NAALADL2: variants seen among roughly 807,000 people sequenced by gnomAD.
The protein encoded by NAALADL2 is N-acetylated alpha-linked acidic dipeptidase like 2.
Under a neutral mutation model 87.2 loss-of-function variants are expected in NAALADL2, and 76 were observed. That is an observed-to-expected ratio of 0.87 (90% CI 0.72 to 1.05). The LOEUF is 1.05. NAALADL2 is among the 50% of genes least tolerant of loss of function. The pLI, the probability that NAALADL2 is intolerant of heterozygous loss-of-function variation, is 0.00. For missense variants in NAALADL2, 1,089 were observed against 945.8 expected, an observed-to-expected ratio of 1.15 and a Z score of -1.99; for synonymous variants, 354 against 331.0, an observed-to-expected ratio of 1.07 and a Z score of -0.75.
intron 2 of NAALADL2, among the ~76,000 whole-genome samples, chr3:175,179,217 A>C (rs13073845): frequency 0.73 from 110,499 of 151,860 alleles, 40,747 homozygotes; most frequent in Non-Finnish European, 0.8. Flanking sequence ...CACATGAGTT[A>C]CTGCTATAGA....
chr3:174,532,838 A>C (rs1721366420), intron 1 of NAALADL2, among the ~76,000 whole-genome samples: 1 of 152,028 alleles, frequency 6.6e-6, no homozygotes, highest in African/African-American at 2.4e-5. Context: ...ATATTTATTG[A>C]GGATTTGGAG....
chr3:174,611,789 G>T (rs1719920329), intron 2 of NAALADL2, among the ~76,000 whole-genome samples: 2 of 151,870 alleles, frequency 1.3e-5, no homozygotes, highest in East Asian at 3.9e-4. Flanking sequence ...TAGAGACGGG[G>T]TTTCACCATA....
At chr3:174,782,654 T>G (rs905421368) in intron 3 of NAALADL2, among the ~76,000 whole-genome samples, 1 of 152,068 alleles carries the variant, frequency 6.6e-6, no homozygotes, top group African/African-American at 2.4e-5. Context: ...TTTAATTGAC[T>G]CACAGTTCTG....
chr3:175,001,611 C>A (rs997280270), intron 1 of NAALADL2, among the ~76,000 whole-genome samples: 1 of 152,000 alleles, frequency 6.6e-6, no homozygotes, highest in South Asian at 2.1e-4. Flanking sequence ...TCTGTTCATT[C>A]CTTGTTTTTC....
intron 10 of NAALADL2, among the ~76,000 whole-genome samples, chr3:175,594,842 A>G (rs1722034390): frequency 6.6e-6 from 1 of 151,806 alleles, no homozygotes; most frequent in South Asian, 2.1e-4. Flanking sequence ...CCATTTTTTA[A>G]TGGGGTTATT....
intron 5 of NAALADL2, among the ~76,000 whole-genome samples, chr3:175,415,921 C>T (rs961623179): frequency 1.3e-5 from 2 of 149,418 alleles, no homozygotes; most frequent in Non-Finnish European, 3.0e-5. Context: ...TGAGAACAAC[C>T]TGGTCAACAT....
chr3:174,897,821 A>G (rs954013515), intron 1 of NAALADL2, among the ~76,000 whole-genome samples: 27 of 150,700 alleles, frequency 1.8e-4, no homozygotes, highest in Non-Finnish European at 2.6e-4. Flanking sequence ...CCATAAAAAA[A>G]GAATGAGATC....
rs1004632214 is a variant in NAALADL2 at position 174,987,295 on chromosome 3, C to T, written c.44-109495C>T. On this transcript the variant is annotated intron_variant, in intron 1 of 13. Transcript: ENST00000454872. ...CCATCAAAACCAATACTCGGCCGGG[C>T]GCGGTGGCTCACGCCTGTAATCCCA... Among the ~76,000 whole-genome samples, 5 of 151,988 alleles carry T rather than the reference C, an allele frequency of 3.3e-5. No homozygotes were observed. In the East Asian group the frequency reaches 5.8e-4, roughly 18 times the overall value.
intron 11 of NAALADL2, among the ~76,000 whole-genome samples, chr3:175,729,325 A>T (rs1025030333): frequency 6.6e-6 from 1 of 152,136 alleles, no homozygotes; most frequent in East Asian, 1.9e-4. Flanking sequence ...TTCATGATTC[A>T]TCTACTATTT....
At chr3:174,774,557 G>A (rs895098727) in intron 3 of NAALADL2, among the ~76,000 whole-genome samples, 2 of 152,134 alleles carry the variant, frequency 1.3e-5, no homozygotes, top group African/African-American at 2.4e-5. Flanking sequence ...GAAGTGTCAC[G>A]ATAGTTGGTA....
chr3:174,723,615 G>GC (rs968680239), intron 2 of NAALADL2, among the ~76,000 whole-genome samples: 20 of 151,828 alleles, frequency 1.3e-4, no homozygotes, highest in African/African-American at 4.8e-4. Flanking sequence ...AATTAGCCGG[G>GC]CATGGTGGCG....
intron 5 of NAALADL2, among the ~76,000 whole-genome samples, chr3:175,334,451 TCCC>T (rs1367216554): frequency 6.6e-6 from 1 of 152,142 alleles, no homozygotes; most frequent in Non-Finnish European, 1.5e-5. Flanking sequence ...TGTTTATCTT[TCCC>T]CCTCAATCGA....
At chr3:175,522,122 T>G (rs1732735383) in intron 9 of NAALADL2, among the ~76,000 whole-genome samples, 1 of 152,144 alleles carries the variant, frequency 6.6e-6, no homozygotes, top group South Asian at 2.1e-4. Flanking sequence ...AATCAAATAT[T>G]TTAAACTAAA....
At chr3:175,094,939 T>C (rs1162267476) in intron 1 of NAALADL2, among the ~76,000 whole-genome samples, 1 of 152,052 alleles carries the variant, frequency 6.6e-6, no homozygotes, top group Non-Finnish European at 1.5e-5. Flanking sequence ...CAATAGATGC[T>C]TTAGGTTTAC....
intron 1 of NAALADL2, among the ~76,000 whole-genome samples, chr3:175,004,786 A>G (rs912249841): frequency 8.5e-5 from 13 of 152,128 alleles, no homozygotes; most frequent in Non-Finnish European, 1.6e-4. Flanking sequence ...TATGTGTATA[A>G]GGTATATATG....
chr3:174,878,157 T>A (rs1021259582), intron 1 of NAALADL2, among the ~76,000 whole-genome samples: 1 of 152,082 alleles, frequency 6.6e-6, no homozygotes, highest in Non-Finnish European at 1.5e-5. Context: ...ATAGGCACAA[T>A]CTATCAAGAC....
intron 1 of NAALADL2, among the ~76,000 whole-genome samples, chr3:175,052,347 C>A (rs536623447): frequency 6.6e-6 from 1 of 152,260 alleles, no homozygotes; most frequent in East Asian, 1.9e-4. Flanking sequence ...TTATTTATGG[C>A]AAGTTTTGGG....
intron 2 of NAALADL2, chr3:174,551,221 G>A (rs1712090120): frequency 6.6e-6 from 1 of 152,014 alleles, no homozygotes; most frequent in African/African-American, 2.4e-5. Flanking sequence ...GTGTTTAAAT[G>A]CAAATAAGTT....
At chr3:174,887,189 GCAT>G (rs59203291) in intron 1 of NAALADL2, among the ~76,000 whole-genome samples, 3,690 of 152,124 alleles carry the variant, frequency 0.024, 131 homozygotes, top group African/African-American at 0.078. Flanking sequence ...TTTGTTTTAG[GCAT>G]CTTCCTTTTT....
Sources: gnomAD v4.1 joint callset for allele counts (sites outside exome capture counted in the v4.1 genomes callset) on GRCh38, gnomAD v4.1.1 for gene constraint, MANE v1.5 for transcripts, NCBI Gene and HGNC (gene_info 2026-07-23, HGNC 2026-07-21) for gene names.